The following BLK variants were observed in gnomAD, a reference collection of about 807,000 sequenced individuals.
BLK encodes BLK proto-oncogene, Src family tyrosine kinase.
A neutral mutation model predicts 61.8 loss-of-function variants in BLK; 64 were observed. The ratio of observed to expected loss-of-function variants is 1.03; its 90% confidence interval spans 0.85 to 1.27. The LOEUF is 1.27. Ranked by LOEUF, BLK falls within the 50% of genes most tolerant of loss-of-function variation. The probability of loss-of-function intolerance (pLI) is 0.00; values close to 1 mark genes in which losing one functional copy is unlikely to be tolerated. For synonymous variants in BLK, 351 were observed against 272.0 expected, an observed-to-expected ratio of 1.29 and a Z score of -2.86; for missense variants, 853 against 660.5, an observed-to-expected ratio of 1.29 and a Z score of -3.19.
chr8:11,513,556 G>T (rs942397346), intron 1 of BLK, among the ~76,000 whole-genome samples: 3 of 152,212 alleles, frequency 2.0e-5, no homozygotes, highest in Non-Finnish European at 2.9e-5. Context: ...GCCCCTGAAT[G>T]TTAGGGCTGG....
chr8:11,546,152 G>T (rs1478451809), intron 3 of BLK, 49 bp downstream of exon 3: 1 of 1,603,414 alleles, frequency 6.2e-7, no homozygotes, highest in African/African-American at 1.3e-5. Context: ...CTCTCCCCTA[G>T]GTGGCAGCTT....
intron 1 of BLK, among the ~76,000 whole-genome samples, chr8:11,504,726 C>G (rs558199727): frequency 7.7e-4 from 118 of 152,330 alleles, no homozygotes; most frequent in African/African-American, 2.7e-3. Context: ...GAGGAGTGTG[C>G]CCCCTGTTCC....
intron 8 of BLK, 177 bp downstream of exon 8, chr8:11,555,661 T>G: frequency 9.8e-7 from 1 of 1,018,052 alleles, no homozygotes; most frequent in Admixed American, 2.0e-5. Context: ...CAGAGCCGCG[T>G]TGTAACAGCT....
intron 11 of BLK, 123 bp from the exon 12 acceptor site, chr8:11,562,856 C>G (rs561743106): frequency 7.1e-7 from 1 of 1,408,060 alleles, no homozygotes; most frequent in Non-Finnish European, 9.8e-7. Flanking sequence ...CTGGCCGCCC[C>G]GCCCTGTGAG....
chr8:11,558,815 G>A (rs966549863), intron 10 of BLK: 15 of 455,308 alleles, frequency 3.3e-5, no homozygotes, highest in African/African-American at 6.0e-5. Flanking sequence ...ACACACGTGC[G>A]TACACATACA....
intron 1 of BLK, chr8:11,509,477 T>G (rs1264632073): frequency 6.6e-6 from 1 of 152,218 alleles, no homozygotes; most frequent in Non-Finnish European, 1.5e-5. Context: ...TGCGGCAGAC[T>G]TGAACTGCAC....
intron 6 of BLK, chr8:11,552,759 G>C (rs542692848): frequency 6.6e-6 from 1 of 152,208 alleles, no homozygotes; most frequent in Non-Finnish European, 1.5e-5. Context: ...TGGTGTGGAG[G>C]AAGAAGGGGT....
chr8:11,496,846 A>G (rs754624713), intron 1 of BLK, among the ~76,000 whole-genome samples: 6 of 152,174 alleles, frequency 3.9e-5, no homozygotes, highest in African/African-American at 1.4e-4. Flanking sequence ...CTTCCTCGAG[A>G]GTAAACTGTG....
intron 1 of BLK, among the ~76,000 whole-genome samples, chr8:11,496,287 G>T (rs1474342230): frequency 6.6e-6 from 1 of 152,082 alleles, no homozygotes; most frequent in Non-Finnish European, 1.5e-5. Context: ...GCCCAGGCTG[G>T]AGTGCAGTGG....
intron 1 of BLK, among the ~76,000 whole-genome samples, chr8:11,498,075 A>G (rs1481663612): frequency 1.3e-5 from 2 of 152,216 alleles, no homozygotes; most frequent in Non-Finnish European, 2.9e-5. Context: ...CCACATTGTA[A>G]TCAAGGAAGT....
At chr8:11,553,475 G>C (rs1438455063) in intron 6 of BLK, 1 of 396,400 alleles carries the variant, frequency 2.5e-6, no homozygotes, top group African/African-American at 2.1e-5. Flanking sequence ...CGGGGCCTCA[G>C]AGCAGCCAGG....
intron 5 of BLK, among the ~76,000 whole-genome samples, chr8:11,549,723 G>A (rs1338400295): frequency 6.6e-6 from 1 of 152,174 alleles, no homozygotes; most frequent in Non-Finnish European, 1.5e-5. Context: ...GGAACCGTGG[G>A]GCTGTCCTGC....
At chr8:11,518,169 C>T (rs1390445162) in intron 1 of BLK, among the ~76,000 whole-genome samples, 2 of 152,194 alleles carry the variant, frequency 1.3e-5, no homozygotes, top group Non-Finnish European at 2.9e-5. Flanking sequence ...GGTGTGCCAG[C>T]AGCCTGCACA....
chr8:11,562,517 G>A (rs1801539598), intron 11 of BLK, among the ~76,000 whole-genome samples: 1 of 152,204 alleles, frequency 6.6e-6, no homozygotes, highest in East Asian at 1.9e-4. Flanking sequence ...AGCCGGATGT[G>A]AGTTCTTCCT....
At chr8:11,545,873 GA>G in intron 2 of BLK, 178 bp from the exon 3 acceptor site, 1 of 735,720 alleles carries the variant, frequency 1.4e-6, no homozygotes, top group Non-Finnish European at 2.5e-6. Context: ...GGGTCTGTCT[GA>G]GGGTAGTGCT....
intron 1 of BLK, 113 bp from the exon 2 acceptor site, chr8:11,543,111 C>G: frequency 2.6e-6 from 4 of 1,555,354 alleles, no homozygotes; most frequent in Non-Finnish European, 3.5e-6. Flanking sequence ...GCTGCACCCA[C>G]TTCCACCCCA....
chr8:11,564,178 C>T lies in BLK; in HGVS notation c.*70C>T, dbSNP rs1801621593. On this transcript the variant is annotated 3_prime_UTR_variant, in exon 13 of 13. Transcript: ENST00000259089. ...ACCCCGACTTCCGTGCCATCCCAGA[C>T]GGGCCGCGAAGGCGGGGTGTCGCCT... 3 of 1,508,440 alleles carry T rather than the reference C, an allele frequency of 2.0e-6. No homozygotes were observed. The highest frequency in any genetic ancestry group is 2.4e-5 in the South Asian group (2 of 83,316). The allele number at this position is 1,508,440 out of a possible 1,614,324, so 93.4% of individuals were successfully genotyped here.
intron 5 of BLK, among the ~76,000 whole-genome samples, chr8:11,549,563 A>G (rs916044969): frequency 3.9e-5 from 6 of 152,034 alleles, no homozygotes; most frequent in African/African-American, 1.5e-4. Context: ...ATCTTCTCCC[A>G]TGTCCCCATG....
At chr8:11,523,528 G>A (rs1799535836) in intron 1 of BLK, among the ~76,000 whole-genome samples, 1 of 152,126 alleles carries the variant, frequency 6.6e-6, no homozygotes, top group Non-Finnish European at 1.5e-5. Context: ...ACACCAGCCT[G>A]GATGGCAGAG....
Sources: allele counts gnomAD v4.1 joint callset (sites outside exome capture counted in the v4.1 genomes callset), GRCh38; gene constraint gnomAD v4.1.1; transcripts MANE v1.5; gene names NCBI Gene and HGNC (gene_info 2026-07-23, HGNC 2026-07-21).